The following COL4A1 variants were observed in gnomAD, a reference collection of about 807,000 sequenced individuals.
The protein encoded by COL4A1 is collagen type IV alpha 1 chain.
In COL4A1, 40 loss-of-function variants were observed where a neutral mutation model predicts 216.6. The observed-to-expected ratio is 0.18, with a 90% CI of 0.14 to 0.24. The LOEUF is 0.24. Ranked by LOEUF, COL4A1 falls within the 10% of genes least tolerant of loss-of-function variation. The pLI, the probability that COL4A1 is intolerant of heterozygous loss-of-function variation, is 1.00. For synonymous variants in COL4A1, 839 were observed against 810.7 expected, an observed-to-expected ratio of 1.03 and a Z score of -0.59; for missense variants, 1,628 against 2,196.8, an observed-to-expected ratio of 0.74 and a Z score of 5.18.
intron 20 of COL4A1, among the ~76,000 whole-genome samples, chr13:110,199,584 G>A (rs1413804077): frequency 6.6e-6 from 1 of 152,210 alleles, no homozygotes; most frequent in Non-Finnish European, 1.5e-5. Flanking sequence ...AACTACCCGG[G>A]CACGAGGCCA....
chr13:110,256,746 G>GT (rs1343375423), intron 1 of COL4A1, among the ~76,000 whole-genome samples: 2 of 152,034 alleles, frequency 1.3e-5, no homozygotes, highest in East Asian at 1.9e-4. Flanking sequence ...ACCGGCGGCG[G>GT]GGGGGTCTAT....
chr13:110,179,081 C>A (rs201947375), intron 30 of COL4A1, 45 bp from the exon 31 acceptor site: 2 of 1,574,774 alleles, frequency 1.3e-6, no homozygotes, highest in Non-Finnish European at 1.7e-6. Context: ...AGCAGTGGCA[C>A]GTCTCCCGGC....
chr13:110,275,834 T>C (rs1883407222), intron 1 of COL4A1, among the ~76,000 whole-genome samples: 1 of 151,870 alleles, frequency 6.6e-6, no homozygotes, highest in Non-Finnish European at 1.5e-5. Context: ...ATAAGACAAC[T>C]ATAAGAGAGT....
chr13:110,222,653 GT>G (rs1880549797), intron 2 of COL4A1, among the ~76,000 whole-genome samples: 1 of 145,736 alleles, frequency 6.9e-6, no homozygotes, highest in Non-Finnish European at 1.5e-5. Flanking sequence ...GGCACCTGTA[GT>G]CCCAGCTACT....
chr13:110,177,826 T>C lies in COL4A1; in HGVS notation c.2716+16A>G, dbSNP rs767749066. 215 of 1,612,424 alleles carry C rather than the reference T, an allele frequency of 1.3e-4. No homozygotes were observed. Among genetic ancestry groups the C allele is most frequent in the Non-Finnish European group, 1.8e-4 (213 of 1,178,780 alleles). ...ATAGACACAAAATGAGCTTCTAGGG[T>C]TATCAGCTCCCCTACCTTTTTCACC... On this transcript the variant is annotated intron_variant, in intron 33 of 51. Coordinates refer to ENST00000375820, the MANE Select transcript of COL4A1 (RefSeq NM_001845.6).
chr13:110,231,400 C>T (rs1323045018), intron 2 of COL4A1, among the ~76,000 whole-genome samples: 9 of 152,154 alleles, frequency 5.9e-5, no homozygotes, highest in Non-Finnish European at 1.0e-4. Flanking sequence ...AATTTGGAGG[C>T]GTAAATCATG....
At chr13:110,212,900 A>C (rs186697811) in intron 4 of COL4A1, among the ~76,000 whole-genome samples, 107 of 152,354 alleles carry the variant, frequency 7.0e-4, no homozygotes, top group Middle Eastern at 3.4e-3. Context: ...GGATAGAGAA[A>C]AGGTGGAATC....
chr13:110,170,800 G>T, intron 41 of COL4A1, 68 bp from the exon 42 acceptor site: 1 of 1,548,562 alleles, frequency 6.5e-7, no homozygotes, highest in South Asian at 1.1e-5. Context: ...CAGCGTGGAC[G>T]GCAGAGATGG....
chr13:110,292,490 A>G (rs1329124695), intron 1 of COL4A1, among the ~76,000 whole-genome samples: 1 of 152,202 alleles, frequency 6.6e-6, no homozygotes, highest in Non-Finnish European at 1.5e-5. Flanking sequence ...TAACTGCTAT[A>G]AAGATACTCC....
chr13:110,260,496 A>T (rs941365988), intron 1 of COL4A1, among the ~76,000 whole-genome samples: 2 of 152,240 alleles, frequency 1.3e-5, no homozygotes, highest in African/African-American at 4.8e-5. Context: ...CTGAACTCAT[A>T]GATCCCTAGT....
chr13:110,297,221 G>C (rs967720545), intron 1 of COL4A1, among the ~76,000 whole-genome samples: 1 of 152,144 alleles, frequency 6.6e-6, no homozygotes, highest in African/African-American at 2.4e-5. Flanking sequence ...CTGAAGCTGC[G>C]GGGTGGGGGG....
chr13:110,203,800 C>T (rs1879358601), intron 17 of COL4A1, among the ~76,000 whole-genome samples, 193 bp from the exon 18 acceptor site: 1 of 152,184 alleles, frequency 6.6e-6, no homozygotes, highest in Non-Finnish European at 1.5e-5. Flanking sequence ...TTTGCACACG[C>T]ATGACACATG....
intron 42 of COL4A1, 32 bp from the exon 43 acceptor site, chr13:110,169,794 G>C: frequency 6.2e-7 from 1 of 1,613,334 alleles, no homozygotes; most frequent in Non-Finnish European, 8.5e-7. Context: ...ACACATTTGG[G>C]GTTAAATATG....
chr13:110,290,603 C>G (rs1884044449), intron 1 of COL4A1, among the ~76,000 whole-genome samples: 1 of 152,222 alleles, frequency 6.6e-6, no homozygotes, highest in Non-Finnish European at 1.5e-5. Context: ...TCTGGGCACT[C>G]ACCCTGGAGT....
At chr13:110,276,381 G>A (rs1187120837) in intron 1 of COL4A1, among the ~76,000 whole-genome samples, 1 of 152,142 alleles carries the variant, frequency 6.6e-6, no homozygotes, top group African/African-American at 2.4e-5. Context: ...ATAAATCACT[G>A]CAGATGTTCA....
chr13:110,250,812 T>C (rs1211701238), intron 1 of COL4A1, among the ~76,000 whole-genome samples: 4 of 152,210 alleles, frequency 2.6e-5, no homozygotes, highest in Admixed American at 6.5e-5. Context: ...GCAAGGCCAG[T>C]GCGTCCCCAG....
At chr13:110,232,099 C>G (rs1332468991) in intron 2 of COL4A1, among the ~76,000 whole-genome samples, 1 of 152,202 alleles carries the variant, frequency 6.6e-6, no homozygotes, top group Non-Finnish European at 1.5e-5. Context: ...GTTAGCTTCT[C>G]GTGTCAGATT....
intron 22 of COL4A1, 125 bp downstream of exon 22, chr13:110,194,898 C>G (rs970416891): frequency 1.3e-6 from 1 of 757,344 alleles, no homozygotes; most frequent in Non-Finnish European, 2.3e-6. Flanking sequence ...GAAGAGGGTT[C>G]CAAATAAAAG....
chr13:110,286,516 A>T (rs1177104931), intron 1 of COL4A1, among the ~76,000 whole-genome samples: 1 of 152,190 alleles, frequency 6.6e-6, no homozygotes, highest in African/African-American at 2.4e-5. Flanking sequence ...TTCCTGGAAG[A>T]GGAGGAACAG....
Sources: gnomAD v4.1 joint callset for allele counts (sites outside exome capture counted in the v4.1 genomes callset) on GRCh38, gnomAD v4.1.1 for gene constraint, MANE v1.5 for transcripts, NCBI Gene and HGNC (gene_info 2026-07-23, HGNC 2026-07-21) for gene names.